The following C3orf70 variants were observed in gnomAD, a reference collection of about 807,000 sequenced individuals.
C3orf70 encodes chromosome 3 open reading frame 70, also known as UPF0524 protein C3orf70.
In C3orf70, 15 loss-of-function variants were observed where a neutral mutation model predicts 20.7. The observed-to-expected ratio is 0.72, with a 90% CI of 0.48 to 1.11. The LOEUF is 1.11. C3orf70 is among the 50% of genes most tolerant of loss of function. The pLI is 0.00. For synonymous variants in C3orf70, 161 were observed against 125.7 expected (o/e 1.28, Z -1.88); for missense variants, 332 against 317.6 (o/e 1.05, Z -0.34).
At chr3:185,140,765 A>G (rs1345619851) in intron 1 of C3orf70, among the ~76,000 whole-genome samples, 3 of 150,280 alleles carry the variant, frequency 2.0e-5, no homozygotes, top group Non-Finnish European at 4.4e-5. Flanking sequence ...CCTGGCCATC[A>G]TGGTGAAACC....
At chr3:185,136,871 C>T (rs1420938035) in intron 1 of C3orf70, among the ~76,000 whole-genome samples, 1 of 152,044 alleles carries the variant, frequency 6.6e-6, no homozygotes, top group Non-Finnish European at 1.5e-5. Context: ...GATTGCGCCA[C>T]TGCACTCCAG....
At position 185,091,945 on chromosome 3, in the gene C3orf70, ATATATATATATATATATATTTT is replaced by A. The variant is rs1715593179; in HGVS notation, c.197-8404_197-8383del. Among the ~76,000 whole-genome samples the A allele has an allele frequency of 4.2e-3, 29 of 6,900 alleles. 1 individual carries two copies. The highest frequency in any genetic ancestry group is 5.7e-3 in the Non-Finnish European group (20 of 3,496). The allele number at this position is 6,900 out of a possible 152,430, so 4.5% of individuals were successfully genotyped here. On this transcript the variant is annotated intron_variant, in intron 1 of 1. Coordinates refer to ENST00000335012, the MANE Select transcript of C3orf70 (RefSeq NM_001025266.3). ...TATATATATATATATATATATATATATATATATATATATATATATTTTTTTTTTTTTTTAGTAGAGACAGGGT... is the reference window on the plus strand; with the variant it reads ...TATATATATATATATATATATATATATTTTTTTTTTTAGTAGAGACAGGGT...
chr3:185,085,174 A>G (rs560117941), intron 1 of C3orf70, among the ~76,000 whole-genome samples: 1 of 152,250 alleles, frequency 6.6e-6, no homozygotes, highest in African/African-American at 2.4e-5. Flanking sequence ...CGAATTACTC[A>G]TGTGTATGGT....
chr3:185,088,429 CACTGT>C (rs1715501138), intron 1 of C3orf70, among the ~76,000 whole-genome samples: 1 of 152,146 alleles, frequency 6.6e-6, no homozygotes, highest in Admixed American at 6.5e-5. Context: ...TTGGTTGTGA[CACTGT>C]ACTACTGTTT....
At chr3:185,146,479 G>T (rs914547361) in intron 1 of C3orf70, among the ~76,000 whole-genome samples, 2 of 151,676 alleles carry the variant, frequency 1.3e-5, no homozygotes, top group East Asian at 3.9e-4. Flanking sequence ...GTAGAGACGG[G>T]GTTTCTCCAT....
At chr3:185,148,515 A>C (rs934093335) in intron 1 of C3orf70, among the ~76,000 whole-genome samples, 1 of 152,170 alleles carries the variant, frequency 6.6e-6, no homozygotes, top group Non-Finnish European at 1.5e-5. Flanking sequence ...CACCTCCACC[A>C]ATCTAATTTC....
chr3:185,122,491 G>C (rs1211693490), intron 1 of C3orf70, among the ~76,000 whole-genome samples: 1 of 152,130 alleles, frequency 6.6e-6, no homozygotes, highest in Non-Finnish European at 1.5e-5. Flanking sequence ...CACCATCCGA[G>C]GATAGTTGCA....
chr3:185,091,912 CATATATATATATATATATATATATATAT>C lies in C3orf70; in HGVS notation c.197-8377_197-8350del, dbSNP rs869291177. ...ATACACACATACACACACACACATA[CATATATATATATATATATATATATATAT>C]ATATATATATATATATATATATATT... On this transcript the variant is annotated intron_variant, in intron 1 of 1. Coordinates refer to ENST00000335012, the MANE Select transcript of C3orf70 (RefSeq NM_001025266.3). Among the ~76,000 whole-genome samples, 61 of 35,892 alleles carry C rather than the reference CATATATATATATATATATATATATATAT, an allele frequency of 1.7e-3. 5 individuals are homozygous for C. Among genetic ancestry groups the C allele is most frequent in the South Asian group, 6.8e-3 (6 of 884 alleles). 23.5% of individuals were successfully genotyped at this position (35,892 alleles called of 152,430 possible). A position where few individuals can be genotyped will look rare whatever the true frequency, so the allele number is the denominator to read the frequency against.
At chr3:185,125,392 A>G (rs1716386247) in intron 1 of C3orf70, among the ~76,000 whole-genome samples, 1 of 33,806 alleles carries the variant, frequency 3.0e-5, no homozygotes, top group Non-Finnish European at 7.4e-5. Context: ...AAAAACAACA[A>G]CAACAACAAC....
chr3:185,108,414 T>C (rs894957478), intron 1 of C3orf70, among the ~76,000 whole-genome samples: 52 of 152,384 alleles, frequency 3.4e-4, no homozygotes, highest in African/African-American at 1.2e-3. Context: ...ACATAGTTAA[T>C]TGAAAATGCT....
In C3orf70 at chr3:185,143,260, A is replaced by G. The variant is rs563464838; in HGVS notation, c.196+9368T>C. 2.0e-5 allele frequency among the ~76,000 whole-genome samples: 3 copies of G among 152,352 alleles called. No individual in the cohort carries two copies. The East Asian group carries it at 5.8e-4, about 29-fold the overall frequency. ...AATGTATTGGGGGGAAAGGCGAGAC[A>G]AGAGGAAGAGAGTGTGTAGTCAGAA... On this transcript the variant is annotated intron_variant, in intron 1 of 1. Coordinates refer to ENST00000335012, the MANE Select transcript of C3orf70 (RefSeq NM_001025266.3).
intron 1 of C3orf70, among the ~76,000 whole-genome samples, chr3:185,093,687 C>T (rs1444203917): frequency 1.3e-5 from 2 of 152,008 alleles, no homozygotes; most frequent in Admixed American, 6.6e-5. Flanking sequence ...CTAGAAAAGG[C>T]TCCACAGAAA....
At position 185,152,807 on chromosome 3, in the gene C3orf70, G is replaced by T. The variant is rs757159118; in HGVS notation, c.17C>A (p.Ser6Ter). Reference sequence around the variant, plus strand: ...CTTCCAACCCCGCTCCGACGCCGGCGAGGCCGCCGCACTCATTTCCTCTCC... The same window carrying T: ...CTTCCAACCCCGCTCCGACGCCGGCTAGGCCGCCGCACTCATTTCCTCTCC... MSAAA[S>*]PASERGWKSE... is the part of the protein sequence containing the mutation. The change falls in exon 1 of 2, where the codon TCG becomes TAG. Residue 6 changes from serine to a stop codon, truncating the protein, a stop_gained. Transcript: ENST00000335012. LOFTEE classifies it high-confidence loss of function. The T allele has an allele frequency of 6.4e-7, 1 of 1,563,766 alleles. No individual in the cohort carries two copies. Among genetic ancestry groups the T allele is most frequent in the Non-Finnish European group, 8.7e-7 (1 of 1,153,362 alleles).
chr3:185,125,240 G>A (rs1452215238), intron 1 of C3orf70, among the ~76,000 whole-genome samples: 3 of 152,110 alleles, frequency 2.0e-5, no homozygotes, highest in Non-Finnish European at 4.4e-5. Context: ...TTAGCCGGGT[G>A]TGGTGGAGCA....
chr3:185,152,561 ACCCCG>A, intron 1 of C3orf70, 62 bp downstream of exon 1: 1 of 1,432,518 alleles, frequency 7.0e-7, no homozygotes, highest in Non-Finnish European at 9.4e-7. Flanking sequence ...TCCGGCAGCG[ACCCCG>A]GACGGCCCGG....
chr3:185,096,171 T>A (rs919660806), intron 1 of C3orf70, among the ~76,000 whole-genome samples: 2 of 152,226 alleles, frequency 1.3e-5, no homozygotes, highest in African/African-American at 4.8e-5. Context: ...TTACCTCTCA[T>A]TTCTCCTGAA....
At chr3:185,089,745 A>G (rs1715526709) in intron 1 of C3orf70, among the ~76,000 whole-genome samples, 1 of 152,226 alleles carries the variant, frequency 6.6e-6, no homozygotes. Context: ...ATCATACAAC[A>G]TGACTAACAC....
intron 1 of C3orf70, among the ~76,000 whole-genome samples, chr3:185,116,689 T>C (rs1716181246): frequency 6.6e-6 from 1 of 152,178 alleles, no homozygotes. Flanking sequence ...CAAAGGTATG[T>C]ATCTATTGAA....
chr3:185,134,536 AG>A (rs1043490307), intron 1 of C3orf70, among the ~76,000 whole-genome samples: 5 of 152,152 alleles, frequency 3.3e-5, no homozygotes, highest in Non-Finnish European at 7.4e-5. Flanking sequence ...GGGCTAAAAA[AG>A]TTGTCAATCA....
Sources: allele counts gnomAD v4.1 joint callset (sites outside exome capture counted in the v4.1 genomes callset), GRCh38; gene constraint gnomAD v4.1.1; transcripts MANE v1.5; gene names NCBI Gene and HGNC (gene_info 2026-07-23, HGNC 2026-07-21).